Variants in GPC5 observed in about 807,000 individuals in gnomAD.
The protein encoded by GPC5 is glypican-5.
Under a neutral mutation model 53.9 loss-of-function variants are expected in GPC5, and 47 were observed. The observed-to-expected ratio is 0.87, with a 90% confidence interval of 0.69 to 1.11. The LOEUF (loss-of-function observed/expected upper bound fraction) is 1.11, where lower values mean the gene tolerates loss of function less well. GPC5 is among the 50% of genes most tolerant of loss of function. GPC5 has a pLI of 0.00. For missense variants in GPC5, 748 were observed against 713.1 expected (o/e 1.05, Z -0.56); for synonymous variants, 286 against 263.3 (o/e 1.09, Z -0.84).
chr13:92,305,175 A>G (rs1308366495), intron 7 of GPC5, among the ~76,000 whole-genome samples: 1 of 152,206 alleles, frequency 6.6e-6, no homozygotes, highest in African/African-American at 2.4e-5. Flanking sequence ...CTGAGTTAAG[A>G]TAAACACTAC....
At chr13:91,546,945 A>C (rs2030328742) in intron 2 of GPC5, among the ~76,000 whole-genome samples, 1 of 152,040 alleles carries the variant, frequency 6.6e-6, no homozygotes, top group South Asian at 2.1e-4. Flanking sequence ...ATAAGGTAAG[A>C]ATGGTGAGAA....
chr13:91,885,828 A>G (rs928674942), intron 5 of GPC5, among the ~76,000 whole-genome samples: 2 of 152,202 alleles, frequency 1.3e-5, no homozygotes, highest in Non-Finnish European at 2.9e-5. Flanking sequence ...GTGTTTCTAC[A>G]TACTGTTCAT....
At chr13:91,834,535 T>TA (rs1268255919) in intron 5 of GPC5, among the ~76,000 whole-genome samples, 2 of 152,122 alleles carry the variant, frequency 1.3e-5, no homozygotes, top group Non-Finnish European at 2.9e-5. Flanking sequence ...ATGGTACTGG[T>TA]ACTAAAACAG....
chr13:91,633,021 A>G (rs2034198270), intron 2 of GPC5, among the ~76,000 whole-genome samples: 2 of 152,148 alleles, frequency 1.3e-5, no homozygotes, highest in African/African-American at 4.8e-5. Flanking sequence ...ATGGGGCTCA[A>G]ATGAAAATGA....
chr13:91,933,269 C>T (rs1359910009), intron 6 of GPC5, among the ~76,000 whole-genome samples: 3 of 151,894 alleles, frequency 2.0e-5, no homozygotes, highest in Admixed American at 6.6e-5. Context: ...TCTTCTACTC[C>T]ATGTCTTTAT....
intron 7 of GPC5, among the ~76,000 whole-genome samples, chr13:92,213,968 C>G (rs192166362): frequency 6.6e-6 from 1 of 152,276 alleles, no homozygotes; most frequent in African/African-American, 2.4e-5. Flanking sequence ...AAACATTTTA[C>G]TGATGTATCT....
At chr13:92,112,772 A>G (rs2041568594) in intron 6 of GPC5, among the ~76,000 whole-genome samples, 1 of 152,124 alleles carries the variant, frequency 6.6e-6, no homozygotes, top group Non-Finnish European at 1.5e-5. Context: ...GTGTTGTGAA[A>G]AATCTGAGCA....
At chr13:92,818,287 G>C (rs909805096) in intron 7 of GPC5, among the ~76,000 whole-genome samples, 6 of 151,944 alleles carry the variant, frequency 3.9e-5, no homozygotes, top group Non-Finnish European at 8.8e-5. Context: ...TGGCATTACA[G>C]GCGTGAGCCA....
chr13:92,767,656 T>C (rs1001282116), intron 7 of GPC5, among the ~76,000 whole-genome samples: 1 of 152,206 alleles, frequency 6.6e-6, no homozygotes, highest in Admixed American at 6.5e-5. Context: ...TTAGTTACAC[T>C]GTTAGTTACA....
chr13:91,546,821 T>C (rs780873486), intron 2 of GPC5, among the ~76,000 whole-genome samples: 3 of 152,114 alleles, frequency 2.0e-5, no homozygotes, highest in Non-Finnish European at 4.4e-5. Context: ...TCACTTTGCC[T>C]TTAAAAAAGA....
At position 92,778,203 on chromosome 13, in the gene GPC5, CTGAG is replaced by C. The variant is rs200055453; in HGVS notation, c.1562-88075_1562-88072del. ...ATAACCTGCCTAATAACATGGTGAT[CTGAG>C]TGACAACTTTTTAATTATATTATAT... On this transcript the variant is annotated intron_variant, in intron 7 of 7. Transcript: ENST00000377067. Among the ~76,000 whole-genome samples the C allele has an allele frequency of 5.5e-3, 831 of 152,234 alleles. 7 individuals carry two copies. Among genetic ancestry groups the C allele is most frequent in the African/African-American group, 0.019 (778 of 41,540 alleles).
chr13:91,968,017 T>C (rs372792782), intron 6 of GPC5, among the ~76,000 whole-genome samples: 15 of 152,118 alleles, frequency 9.9e-5, no homozygotes, highest in African/African-American at 3.6e-4. Context: ...CATTATACTT[T>C]TTATAATTCA....
intron 4 of GPC5, among the ~76,000 whole-genome samples, chr13:91,746,434 A>G (rs945644312): frequency 5.3e-5 from 8 of 152,166 alleles, no homozygotes; most frequent in Non-Finnish European, 1.2e-4. Flanking sequence ...TCCTTCTTGG[A>G]TACTTTTCTA....
chr13:92,620,424 G>A (rs1270140846), intron 7 of GPC5, among the ~76,000 whole-genome samples: 2 of 152,136 alleles, frequency 1.3e-5, no homozygotes, highest in Non-Finnish European at 2.9e-5. Flanking sequence ...GAGTTCTCCA[G>A]GAAGGAGACC....
chr13:91,686,987 A>G (rs904086992), intron 2 of GPC5, among the ~76,000 whole-genome samples: 9 of 152,138 alleles, frequency 5.9e-5, no homozygotes, highest in Non-Finnish European at 1.0e-4. Context: ...TTTAAAATCT[A>G]TTTCATTTCT....
At chr13:91,597,045 C>G (rs1215496957) in intron 2 of GPC5, among the ~76,000 whole-genome samples, 1 of 152,190 alleles carries the variant, frequency 6.6e-6, no homozygotes, top group Non-Finnish European at 1.5e-5. Context: ...GCATGAGCTC[C>G]TCTGCCCACT....
intron 7 of GPC5, among the ~76,000 whole-genome samples, chr13:92,729,533 C>T (rs1328012326): frequency 6.6e-5 from 10 of 151,426 alleles, no homozygotes; most frequent in Non-Finnish European, 1.5e-4. Context: ...AATATGGCTA[C>T]TAGAAAATAT....
intron 7 of GPC5, among the ~76,000 whole-genome samples, chr13:92,298,325 C>G (rs1185100646): frequency 6.6e-6 from 1 of 152,180 alleles, no homozygotes; most frequent in East Asian, 1.9e-4. Flanking sequence ...ATGCCCTCCC[C>G]CAAGTTCTGT....
At chr13:91,930,350 A>G (rs760007524) in intron 6 of GPC5, among the ~76,000 whole-genome samples, 1 of 152,070 alleles carries the variant, frequency 6.6e-6, no homozygotes, top group Non-Finnish European at 1.5e-5. Context: ...TCCAACCTCA[A>G]ATATAAAGCA....
Sources: gnomAD v4.1 joint callset for allele counts (sites outside exome capture counted in the v4.1 genomes callset) on GRCh38, gnomAD v4.1.1 for gene constraint, MANE v1.5 for transcripts, NCBI Gene and HGNC (gene_info 2026-07-23, HGNC 2026-07-21) for gene names.